Variants in TMEM132C observed in about 807,000 individuals in gnomAD.
The protein encoded by TMEM132C is transmembrane protein 132C.
TMEM132C carries 29 observed loss-of-function variants against 61.4 expected under a neutral mutation model. The observed-to-expected ratio is 0.47, with a 90% confidence interval of 0.35 to 0.64. The LOEUF is 0.64. Ranked by LOEUF, TMEM132C falls within the 30% of genes least tolerant of loss-of-function variation. The pLI, the probability that TMEM132C is intolerant of heterozygous loss-of-function variation, is 0.00. For synonymous variants in TMEM132C, 656 were observed against 633.1 expected (o/e 1.04, Z -0.54); for missense variants, 1,408 against 1,476.9 (o/e 0.95, Z 0.76).
chr12:128,363,451 T>C (rs1873767405), intron 1 of TMEM132C, among the ~76,000 whole-genome samples: 1 of 152,164 alleles, frequency 6.6e-6, no homozygotes, highest in African/African-American at 2.4e-5. Flanking sequence ...GCCAGTGTTG[T>C]TCCAGGCTTT....
At chr12:128,467,946 CG>C (rs1870795032) in intron 2 of TMEM132C, among the ~76,000 whole-genome samples, 1 of 152,174 alleles carries the variant, frequency 6.6e-6, no homozygotes, top group Non-Finnish European at 1.5e-5. Context: ...ATCAATCAGA[CG>C]GTCATACAGG....
At chr12:128,658,148 AGG>A (rs1954346827) in intron 4 of TMEM132C, among the ~76,000 whole-genome samples, 2 of 106,486 alleles carry the variant, frequency 1.9e-5, no homozygotes, top group Non-Finnish European at 4.1e-5. Context: ...GCCACAAGGC[AGG>A]AGCAGGGACG....
intron 3 of TMEM132C, among the ~76,000 whole-genome samples, chr12:128,614,988 C>T (rs549788657): frequency 2.6e-4 from 40 of 152,196 alleles, no homozygotes; most frequent in Non-Finnish European, 4.6e-4. Context: ...ACAGCTGCCC[C>T]AGGAGAACCA....
intron 2 of TMEM132C, among the ~76,000 whole-genome samples, chr12:128,503,372 A>C (rs1872245888): frequency 6.6e-6 from 1 of 152,160 alleles, no homozygotes; most frequent in African/African-American, 2.4e-5. Flanking sequence ...TCTTGTTGGA[A>C]ATGCCCTGGT....
intron 2 of TMEM132C, among the ~76,000 whole-genome samples, chr12:128,478,432 G>A (rs1381667353): frequency 6.6e-6 from 1 of 152,158 alleles, no homozygotes; most frequent in Non-Finnish European, 1.5e-5. Flanking sequence ...AGTCAGGGTG[G>A]CCTCCTTTCA....
chr12:128,274,564 G>T (rs7978229), intron 1 of TMEM132C, among the ~76,000 whole-genome samples: 13,157 of 152,254 alleles, frequency 0.086, 659 homozygotes, highest in South Asian at 0.15. Context: ...TGACTCCAGA[G>T]AAAGCTAAAG....
intron 5 of TMEM132C, among the ~76,000 whole-genome samples, chr12:128,671,131 C>A (rs1199589454): frequency 6.6e-6 from 1 of 152,192 alleles, no homozygotes; most frequent in Non-Finnish European, 1.5e-5. Context: ...GGGACATAGC[C>A]ACTCAAATTC....
At chr12:128,504,852 A>G (rs989405675) in intron 2 of TMEM132C, among the ~76,000 whole-genome samples, 4 of 151,918 alleles carry the variant, frequency 2.6e-5, no homozygotes, top group Non-Finnish European at 4.4e-5. Flanking sequence ...CAGAAACACA[A>G]TTCAGTCCGT....
chr12:128,482,637 C>T (rs1408177826), intron 2 of TMEM132C, among the ~76,000 whole-genome samples: 3 of 152,088 alleles, frequency 2.0e-5, no homozygotes, highest in Middle Eastern at 3.2e-3. Context: ...CTATTAATTA[C>T]TGCCTCAATT....
intron 3 of TMEM132C, among the ~76,000 whole-genome samples, chr12:128,551,067 C>T (rs1874157794): frequency 1.3e-5 from 2 of 152,164 alleles, no homozygotes; most frequent in African/African-American, 2.4e-5. Context: ...TGAACTATTT[C>T]CCTCTCCCCT....
chr12:128,603,498 C>G (rs1274973562), intron 3 of TMEM132C, among the ~76,000 whole-genome samples: 1 of 152,184 alleles, frequency 6.6e-6, no homozygotes, highest in Non-Finnish European at 1.5e-5. Context: ...TTGTGCCTCT[C>G]CCCTCCAGCA....
At chr12:128,288,098 G>T (rs1200280299) in intron 1 of TMEM132C, 1 of 140,602 alleles carries the variant, frequency 7.1e-6, no homozygotes, top group Non-Finnish European at 1.5e-5. Flanking sequence ...TGCTCTTGTT[G>T]CCCAGGCTGG....
At chr12:128,458,779 G>A (rs1036936653) in intron 2 of TMEM132C, among the ~76,000 whole-genome samples, 7 of 152,186 alleles carry the variant, frequency 4.6e-5, no homozygotes, top group Non-Finnish European at 7.3e-5. Flanking sequence ...GTGGAGTCTG[G>A]AAGGGATACT....
At chr12:128,602,286 G>T (rs897020468) in intron 3 of TMEM132C, among the ~76,000 whole-genome samples, 1 of 152,200 alleles carries the variant, frequency 6.6e-6, no homozygotes, top group Admixed American at 6.5e-5. Flanking sequence ...AAGCTCCAGC[G>T]TGCAAAACAA....
intron 3 of TMEM132C, among the ~76,000 whole-genome samples, chr12:128,610,834 G>T (rs745521368): frequency 6.6e-6 from 1 of 152,164 alleles, no homozygotes; most frequent in Non-Finnish European, 1.5e-5. Flanking sequence ...CTCAGGAAAT[G>T]CACTGTATAC....
Position 128,318,621 on chromosome 12 carries a change from G to A in TMEM132C, c.85+51134G>A, listed in dbSNP as rs949212164. On this transcript the variant is annotated intron_variant, in intron 1 of 8. Transcript: ENST00000435159. ...GTAATTGAAACCCTGCTGAGATCGC[G>A]TCTGTTGCCAGCTAATTGCATGCCA... Among the ~76,000 whole-genome samples, 8 of 152,164 alleles carry A rather than the reference G, an allele frequency of 5.3e-5. No individual in the cohort carries two copies. In the South Asian group the frequency reaches 6.2e-4, roughly 12 times the overall value.
intron 3 of TMEM132C, among the ~76,000 whole-genome samples, chr12:128,568,823 C>T (rs1437365567): frequency 6.6e-6 from 1 of 152,204 alleles, no homozygotes; most frequent in East Asian, 1.9e-4. Context: ...GTGCCCATCT[C>T]TCAGAAACAA....
intron 2 of TMEM132C, among the ~76,000 whole-genome samples, chr12:128,474,456 T>C (rs1054866460): frequency 6.6e-6 from 1 of 152,182 alleles, no homozygotes; most frequent in African/African-American, 2.4e-5. Context: ...AGGGGTGTCA[T>C]TGGTCCATAG....
chr12:128,605,504 T>C (rs561333537), intron 3 of TMEM132C, among the ~76,000 whole-genome samples: 14 of 152,182 alleles, frequency 9.2e-5, no homozygotes, highest in Non-Finnish European at 1.9e-4. Flanking sequence ...CCCAGAATAA[T>C]GTTTGCCCAA....
Sources: allele counts gnomAD v4.1 joint callset (sites outside exome capture counted in the v4.1 genomes callset), GRCh38; gene constraint gnomAD v4.1.1; transcripts MANE v1.5; gene names NCBI Gene and HGNC (gene_info 2026-07-23, HGNC 2026-07-21).